Variants in TMEFF2 observed in about 807,000 individuals in gnomAD.
The protein encoded by TMEFF2 is tomoregulin-2.
A neutral mutation model predicts 53.8 loss-of-function variants in TMEFF2; 28 were observed. That is an observed-to-expected ratio of 0.52 (90% CI 0.39 to 0.71). The LOEUF (loss-of-function observed/expected upper bound fraction) is 0.71, where lower values mean the gene tolerates loss of function less well. TMEFF2 is among the 30% of genes least tolerant of loss of function. TMEFF2 has a pLI of 0.00. For missense variants in TMEFF2, 353 were observed against 455.2 expected, an observed-to-expected ratio of 0.78 and a Z score of 2.04; for synonymous variants, 162 against 166.3, an observed-to-expected ratio of 0.97 and a Z score of 0.20.
chr2:191,992,479 G>C (rs1686130134), intron 7 of TMEFF2, among the ~76,000 whole-genome samples: 1 of 152,154 alleles, frequency 6.6e-6, no homozygotes, highest in South Asian at 2.1e-4. Flanking sequence ...CAGGTAGGCA[G>C]TCAAAATGTC....
chr2:191,976,096 T>A (rs1026653790), intron 7 of TMEFF2, among the ~76,000 whole-genome samples: 1 of 152,196 alleles, frequency 6.6e-6, no homozygotes, highest in Non-Finnish European at 1.5e-5. Flanking sequence ...ACAGTGAATT[T>A]TTGCAATACT....
At position 192,177,799 on chromosome 2, in the gene TMEFF2, G is replaced by A. The variant is rs1323636121; in HGVS notation, c.439+1869C>T. On this transcript the variant is annotated intron_variant, in intron 4 of 9. Coordinates refer to ENST00000272771, the MANE Select transcript of TMEFF2 (RefSeq NM_016192.4). ...GATTAAAATTATTTCCTGAAAAAAT[G>A]TCTTATTCAGATCACAAGACAACAT... is the stretch of plus-strand genomic sequence containing the variant. 7 of 150,916 alleles carry A rather than the reference G, an allele frequency of 4.6e-5. No individual in the cohort carries two copies. In the South Asian group the frequency reaches 8.3e-4, roughly 18 times the overall value. The allele number at this position is 150,916 out of a possible 1,614,324, so 9.3% of individuals were successfully genotyped here.
chr2:192,005,312 C>T (rs1686473996), intron 5 of TMEFF2, among the ~76,000 whole-genome samples: 1 of 152,184 alleles, frequency 6.6e-6, no homozygotes, highest in Non-Finnish European at 1.5e-5. Flanking sequence ...TTCCCTGCCT[C>T]ACTTGAAATG....
intron 4 of TMEFF2, among the ~76,000 whole-genome samples, chr2:192,149,649 G>A (rs1024275551): frequency 1.3e-5 from 2 of 151,928 alleles, no homozygotes; most frequent in African/African-American, 4.8e-5. Context: ...CTTACACTAT[G>A]CACATGAGCT....
intron 4 of TMEFF2, among the ~76,000 whole-genome samples, chr2:192,097,841 C>T (rs994348842): frequency 2.0e-5 from 3 of 152,172 alleles, no homozygotes; most frequent in South Asian, 4.1e-4. Flanking sequence ...AAAGAAGGTG[C>T]GCAGTTAGGA....
intron 5 of TMEFF2, among the ~76,000 whole-genome samples, chr2:192,021,635 T>A (rs1437931214): frequency 6.6e-6 from 1 of 152,130 alleles, no homozygotes; most frequent in African/African-American, 2.4e-5. Context: ...GGACTCCATG[T>A]GCCATAACTA....
intron 4 of TMEFF2, among the ~76,000 whole-genome samples, chr2:192,167,196 C>T (rs1041030508): frequency 5.9e-5 from 9 of 151,974 alleles, no homozygotes; most frequent in Non-Finnish European, 5.9e-5. Flanking sequence ...CTGGCAAGAA[C>T]GAAACCTATT....
chr2:192,103,889 AG>A (rs1241586607), intron 4 of TMEFF2, among the ~76,000 whole-genome samples: 1 of 151,820 alleles, frequency 6.6e-6, no homozygotes, highest in Non-Finnish European at 1.5e-5. Flanking sequence ...ATAAAATCAG[AG>A]GAATAGCAGC....
At chr2:192,133,664 A>T (rs956478915) in intron 4 of TMEFF2, among the ~76,000 whole-genome samples, 5 of 152,144 alleles carry the variant, frequency 3.3e-5, no homozygotes, top group African/African-American at 4.8e-5. Flanking sequence ...TCTGGATCTC[A>T]AACGTGCTTT....
chr2:192,132,205 A>C lies in TMEFF2; in HGVS notation c.439+47463T>G, dbSNP rs531022285. Reference sequence around the variant, plus strand: ...CCTCCTCACACCTGGTCTGGCTTACAGTTTCGTTCTGTGACTAGCCCTCCC... The same window carrying C: ...CCTCCTCACACCTGGTCTGGCTTACCGTTTCGTTCTGTGACTAGCCCTCCC... On this transcript the variant is annotated intron_variant, in intron 4 of 9. Transcript: ENST00000272771. 6.1e-4 allele frequency among the ~76,000 whole-genome samples: 93 copies of C among 152,100 alleles called. 1 individual carries two copies. The Middle Eastern group carries it at 0.014, about 22-fold the overall frequency.
Position 192,117,838 on chromosome 2 carries a change from G to A in TMEFF2, c.440-60063C>T, listed in dbSNP as rs937368676. Among the ~76,000 whole-genome samples the A allele has an allele frequency of 3.3e-5, 5 of 151,956 alleles. No individual in the cohort carries two copies. The East Asian group carries it at 9.7e-4, about 30-fold the overall frequency. On this transcript the variant is annotated intron_variant, in intron 4 of 9. Transcript: ENST00000272771. ...TTCATTTACATAGGGTGTACACTAA[G>A]TAACCAATGGGAAACCTCTAGAGGG...
intron 4 of TMEFF2, among the ~76,000 whole-genome samples, chr2:192,060,564 G>A (rs552338486): frequency 3.3e-5 from 5 of 152,202 alleles, no homozygotes; most frequent in Admixed American, 2.0e-4. Flanking sequence ...TTATACATAT[G>A]TACGTACATG....
chr2:192,089,576 C>T (rs373199255), intron 4 of TMEFF2, among the ~76,000 whole-genome samples: 29 of 151,990 alleles, frequency 1.9e-4, no homozygotes, highest in Admixed American at 7.2e-4. Flanking sequence ...ACCATTTTTT[C>T]GTGAGAACAG....
intron 3 of TMEFF2, among the ~76,000 whole-genome samples, chr2:192,182,873 T>G (rs1390743122): frequency 6.6e-6 from 1 of 152,038 alleles, no homozygotes; most frequent in African/African-American, 2.4e-5. Flanking sequence ...GGCTGACTGA[T>G]TCCTCATAAT....
Position 191,999,040 on chromosome 2 carries a change from A to T in TMEFF2, c.685+20T>A, listed in dbSNP as rs755124002. 1 of 1,572,842 alleles carries T rather than the reference A, an allele frequency of 6.4e-7. No homozygotes were observed. The highest frequency in any genetic ancestry group is 8.7e-7 in the Non-Finnish European group (1 of 1,155,690). ...AAGACTAAAATCATTCTTTGAAATG[A>T]ATTTTGGTATGAACATTACCTTGAC... On this transcript the variant is annotated intron_variant, in intron 6 of 9. Coordinates refer to ENST00000272771, the MANE Select transcript of TMEFF2 (RefSeq NM_016192.4).
chr2:192,129,867 A>G (rs1028049327), intron 4 of TMEFF2, among the ~76,000 whole-genome samples: 28 of 152,190 alleles, frequency 1.8e-4, no homozygotes, highest in African/African-American at 6.8e-4. Context: ...AGTCATTTAC[A>G]TTTGTATTTC....
Position 192,179,360 on chromosome 2 carries a change from T to A in TMEFF2, c.439+308A>T, listed in dbSNP as rs914528542. 1.6e-5 allele frequency: 5 copies of A among 307,310 alleles called. No individual in the cohort carries two copies. In the Admixed American group the frequency reaches 2.5e-4, roughly 16 times the overall value. 19.0% of individuals were successfully genotyped at this position (307,310 alleles called of 1,614,324 possible). A position where few individuals can be genotyped will look rare whatever the true frequency, so the allele number is the denominator to read the frequency against. ...TGAATTCTTTCTTCCCTGCCAAATATGCTTACATGCTTCTCTTCAGAAGTT... is the reference window on the plus strand; with the variant it reads ...TGAATTCTTTCTTCCCTGCCAAATAAGCTTACATGCTTCTCTTCAGAAGTT... On this transcript the variant is annotated intron_variant, in intron 4 of 9. Transcript: ENST00000272771.
At chr2:192,085,905 A>G (rs1688660850) in intron 4 of TMEFF2, among the ~76,000 whole-genome samples, 2 of 152,166 alleles carry the variant, frequency 1.3e-5, no homozygotes, top group Admixed American at 1.3e-4. Flanking sequence ...ATATATTCAT[A>G]TAGACAGGAT....
intron 5 of TMEFF2, among the ~76,000 whole-genome samples, chr2:191,999,551 G>A (rs1219727067): frequency 6.6e-6 from 1 of 152,006 alleles, no homozygotes; most frequent in Non-Finnish European, 1.5e-5. Flanking sequence ...CTCTGCTTTA[G>A]AGTTTTCTTA....
Sources: gnomAD v4.1 joint callset for allele counts (sites outside exome capture counted in the v4.1 genomes callset) on GRCh38, gnomAD v4.1.1 for gene constraint, MANE v1.5 for transcripts, NCBI Gene and HGNC (gene_info 2026-07-23, HGNC 2026-07-21) for gene names.